COP1: variants seen among roughly 807,000 people sequenced by gnomAD.
The protein encoded by COP1 is E3 ubiquitin-protein ligase COP1.
COP1 carries 24 observed loss-of-function variants against 101.3 expected under a neutral mutation model. That is an observed-to-expected ratio of 0.24 (90% CI 0.17 to 0.33). The LOEUF (loss-of-function observed/expected upper bound fraction) is 0.33. Among genes scored for constraint, COP1 ranks in the 10% least tolerant of loss-of-function variants. COP1 has a pLI of 1.00. For synonymous variants in COP1, 347 were observed against 341.9 expected, an observed-to-expected ratio of 1.01 and a Z score of -0.17; for missense variants, 663 against 906.2, an observed-to-expected ratio of 0.73 and a Z score of 3.45.
intron 3 of COP1, among the ~76,000 whole-genome samples, chr1:176,166,178 G>A (rs1040084697): frequency 3.3e-5 from 5 of 152,100 alleles, no homozygotes; most frequent in Non-Finnish European, 7.4e-5. Context: ...GCAGGATGGA[G>A]TGCAGTGGCG....
rs12090202 is a variant in COP1 at position 175,982,917 on chromosome 1, G to A, written c.2133+4026C>T. ...CAAGATGTTGGTCCAAGGCTACAAA[G>A]TTTCAGCTAATTAGACAAAAAGAGT... On this transcript the variant is annotated intron_variant, in intron 18 of 19. Coordinates refer to ENST00000367669, the MANE Select transcript of COP1 (RefSeq NM_022457.7). Among the ~76,000 whole-genome samples the A allele has an allele frequency of 5.5e-3, 836 of 152,244 alleles. 10 individuals are homozygous for A. Among genetic ancestry groups the A allele is most frequent in the African/African-American group, 0.019 (796 of 41,544 alleles).
intron 11 of COP1, among the ~76,000 whole-genome samples, chr1:176,067,384 T>C (rs1676183039): frequency 1.3e-5 from 2 of 152,130 alleles, no homozygotes; most frequent in South Asian, 4.1e-4. Flanking sequence ...GCCCCCATCC[T>C]GCACCTATAA....
At chr1:175,947,428 T>C in intron 18 of COP1, 189 bp from the exon 19 acceptor site, 2 of 489,268 alleles carry the variant, frequency 4.1e-6, no homozygotes, top group Non-Finnish European at 7.4e-6. Flanking sequence ...TGGAGTGCAA[T>C]GGCGCGATCT....
intron 9 of COP1, among the ~76,000 whole-genome samples, chr1:176,089,780 T>C (rs962729012): frequency 1.3e-5 from 2 of 152,150 alleles, no homozygotes; most frequent in Non-Finnish European, 2.9e-5. Context: ...CCCTATATAA[T>C]CTCTCTTAGT....
intron 5 of COP1, among the ~76,000 whole-genome samples, chr1:176,159,580 G>A (rs944709457): frequency 1.6e-4 from 24 of 151,972 alleles, no homozygotes; most frequent in African/African-American, 5.6e-4. Context: ...CCCATCAATA[G>A]AATAATAGAT....
rs77781314 is a variant in COP1 at position 175,962,911 on chromosome 1, C to A, written c.2134-15672G>T. Among the ~76,000 whole-genome samples the A allele has an allele frequency of 5.0e-3, 755 of 152,200 alleles. 8 individuals are homozygous for A. Among genetic ancestry groups the A allele is most frequent in the Non-Finnish European group, 8.3e-3 (563 of 68,006 alleles). Reference sequence around the variant, plus strand: ...AGAAGGTAGAAGTTAATGATTATATCCGCAAACATAGTTCAAGATTTATTG... The same window carrying A: ...AGAAGGTAGAAGTTAATGATTATATACGCAAACATAGTTCAAGATTTATTG... On this transcript the variant is annotated intron_variant, in intron 18 of 19. Coordinates refer to ENST00000367669, the MANE Select transcript of COP1 (RefSeq NM_022457.7).
Position 176,103,142 on chromosome 1 carries a change from G to A in COP1, c.1026+13482C>T, listed in dbSNP as rs180671849. 7.2e-5 allele frequency among the ~76,000 whole-genome samples: 11 copies of A among 152,340 alleles called. No homozygotes were observed. The East Asian group carries it at 2.1e-3, about 29-fold the overall frequency. On this transcript the variant is annotated intron_variant, in intron 9 of 19. Transcript: ENST00000367669. ...AAGGGGAACCCATTAGGGTGTTACA[G>A]TTCCTCACACACAGTTCCTAAAATC...
chr1:176,046,462 T>A, intron 11 of COP1, 138 bp from the exon 12 acceptor site: 1 of 719,510 alleles, frequency 1.4e-6, no homozygotes, highest in Admixed American at 3.3e-5. Flanking sequence ...GATTAAGTAA[T>A]CAACACATAT....
At chr1:176,063,255 T>A (rs1572014126) in intron 11 of COP1, among the ~76,000 whole-genome samples, 1 of 150,946 alleles carries the variant, frequency 6.6e-6, no homozygotes, top group South Asian at 2.1e-4. Context: ...AGAGACGGGG[T>A]TTCACCTTGT....
chr1:175,956,243 T>A (rs1216688500), intron 18 of COP1, among the ~76,000 whole-genome samples: 2 of 151,224 alleles, frequency 1.3e-5, no homozygotes, highest in Non-Finnish European at 3.0e-5. Context: ...AAAAAAAAAA[T>A]AGAGTAATTT....
At chr1:176,167,724 T>C (rs1053778443) in intron 3 of COP1, among the ~76,000 whole-genome samples, 1 of 152,188 alleles carries the variant, frequency 6.6e-6, no homozygotes, top group Non-Finnish European at 1.5e-5. Context: ...AACAGTACAG[T>C]AAAAGCACAG....
rs182033495 is a variant in COP1, at chr1:176,070,636, T to C, written c.1277+10516A>G. On this transcript the variant is annotated intron_variant, in intron 11 of 19. Transcript: ENST00000367669. Reference sequence around the variant, plus strand: ...AAGACCGCACCACTGCACTCCAGCCTGAGCAACAGAGCAAGACTCCATTTC... The same window carrying C: ...AAGACCGCACCACTGCACTCCAGCCCGAGCAACAGAGCAAGACTCCATTTC... 6.6e-3 allele frequency among the ~76,000 whole-genome samples: 1,010 copies of C among 152,212 alleles called. 9 individuals carry two copies. The highest frequency in any genetic ancestry group is 0.023 in the African/African-American group (958 of 41,530).
intron 15 of COP1, among the ~76,000 whole-genome samples, chr1:176,011,990 T>C (rs1315948065): frequency 6.6e-6 from 1 of 152,078 alleles, no homozygotes; most frequent in Non-Finnish European, 1.5e-5. Context: ...TATTTTAGAG[T>C]GTACTCCTTC....
chr1:175,991,412 G>C (rs1658419052), intron 15 of COP1, among the ~76,000 whole-genome samples: 1 of 152,146 alleles, frequency 6.6e-6, no homozygotes, highest in African/African-American at 2.4e-5. Context: ...CCATACAGGG[G>C]ACTTATGATG....
At chr1:175,998,133 A>G (rs1276171307) in intron 15 of COP1, among the ~76,000 whole-genome samples, 2 of 150,370 alleles carry the variant, frequency 1.3e-5, no homozygotes, top group Non-Finnish European at 3.0e-5. Context: ...ATGCAGCCAT[A>G]AAAAATGATG....
At chr1:176,096,627 G>GT (rs1263936655) in intron 9 of COP1, among the ~76,000 whole-genome samples, 3 of 152,024 alleles carry the variant, frequency 2.0e-5, no homozygotes, top group Non-Finnish European at 2.9e-5. Context: ...ACTATGAACT[G>GT]TTTTTTCTCT....
At chr1:175,960,919 C>T (rs1221793978) in intron 18 of COP1, among the ~76,000 whole-genome samples, 1 of 152,188 alleles carries the variant, frequency 6.6e-6, no homozygotes, top group African/African-American at 2.4e-5. Context: ...AGTCGGTTGA[C>T]TGAGTGGGGA....
At chr1:176,027,717 A>C in intron 14 of COP1, 29 bp from the exon 15 acceptor site, 1 of 1,317,584 alleles carries the variant, frequency 7.6e-7, no homozygotes, top group Non-Finnish European at 1.1e-6. Context: ...AAAAACAAAA[A>C]GAGAAACAAG....
intron 8 of COP1, among the ~76,000 whole-genome samples, chr1:176,121,511 C>T (rs200038208): frequency 3.3e-5 from 5 of 151,952 alleles, no homozygotes; most frequent in African/African-American, 7.3e-5. Flanking sequence ...CTTTAAATGT[C>T]GTTTTTTATT....
Sources: allele counts gnomAD v4.1 joint callset (sites outside exome capture counted in the v4.1 genomes callset), GRCh38; gene constraint gnomAD v4.1.1; transcripts MANE v1.5; gene names NCBI Gene and HGNC (gene_info 2026-07-23, HGNC 2026-07-21).